ZYG11A: variants seen among roughly 807,000 people sequenced by gnomAD.
ZYG11A encodes zyg-11 family member A, cell cycle regulator, also known as protein zyg-11 homolog A.
Under a neutral mutation model 77.2 loss-of-function variants are expected in ZYG11A, and 62 were observed. The ratio of observed to expected loss-of-function variants is 0.80; its 90% CI spans 0.65 to 0.99. ZYG11A has a LOEUF of 0.99. Among genes scored for constraint, ZYG11A ranks in the 50% least tolerant of loss-of-function variants. ZYG11A has a pLI of 0.00. For synonymous variants in ZYG11A, 315 were observed against 324.6 expected, an observed-to-expected ratio of 0.97 and a Z score of 0.32; for missense variants, 828 against 896.8, an observed-to-expected ratio of 0.92 and a Z score of 0.98.
Position 52,867,958 on chromosome 1 carries a change from C to CTTTTTTTT in ZYG11A, c.1542+200_1542+207dup, listed in dbSNP as rs1050261180. Among the ~76,000 whole-genome samples the CTTTTTTTT allele has an allele frequency of 1.5e-4, 15 of 98,160 alleles. 2 individuals carry two copies. In the East Asian group the frequency reaches 1.6e-3, roughly 10 times the overall value. 64.4% of individuals were successfully genotyped at this position (98,160 alleles called of 152,430 possible). The stretch of plus-strand genomic sequence containing the variant: ...TCTTTTGGTATGTACCTCCACATTT[C>CTTTTTTTT]TTTTTTTTTTTTTTTTTTTTTTTTT... On this transcript the variant is annotated intron_variant, in intron 8 of 13. Coordinates refer to ENST00000371528, the MANE Select transcript of ZYG11A (RefSeq NM_001004339.3).
intron 3 of ZYG11A, among the ~76,000 whole-genome samples, chr1:52,860,189 T>C (rs1395577267): frequency 6.6e-6 from 1 of 152,090 alleles, no homozygotes; most frequent in East Asian, 1.9e-4. Context: ...TTGAGGAAAA[T>C]TGCCGTTTAA....
At chr1:52,860,484 G>C (rs1255616255) in intron 3 of ZYG11A, among the ~76,000 whole-genome samples, 2 of 152,190 alleles carry the variant, frequency 1.3e-5, no homozygotes, top group Non-Finnish European at 2.9e-5. Flanking sequence ...TTTTAGTAGA[G>C]ATGGGGTTTC....
intron 11 of ZYG11A, among the ~76,000 whole-genome samples, chr1:52,881,985 C>T (rs183231862): frequency 2.6e-5 from 4 of 151,866 alleles, no homozygotes; most frequent in Admixed American, 2.0e-4. Context: ...GCCTCAACCT[C>T]GGAGGCTTAG....
chr1:52,882,642 A>T (rs2150019073), intron 11 of ZYG11A, among the ~76,000 whole-genome samples: 1 of 152,244 alleles, frequency 6.6e-6, no homozygotes, highest in Non-Finnish European at 1.5e-5. Context: ...TAATTGATCA[A>T]ATGGCTGGGT....
At position 52,888,943 on chromosome 1, in the gene ZYG11A, T is replaced by G. The variant is rs973202496; in HGVS notation, c.2104+1890T>G. On this transcript the variant is annotated intron_variant, in intron 13 of 13. Coordinates refer to ENST00000371528, the MANE Select transcript of ZYG11A (RefSeq NM_001004339.3). ...GTATGAATAGATAGATAGCAGATGA[T>G]TGGATCAGAATAGCCCTGAAACAGA... Among the ~76,000 whole-genome samples, 16 of 152,230 alleles carry G rather than the reference T, an allele frequency of 1.1e-4. No homozygotes were observed. The East Asian group carries it at 2.9e-3, about 28-fold the overall frequency.
intron 8 of ZYG11A, among the ~76,000 whole-genome samples, chr1:52,876,869 C>A (rs147925160): frequency 5.3e-5 from 8 of 152,244 alleles, no homozygotes; most frequent in Non-Finnish European, 1.0e-4. Context: ...AAGTGAAAAT[C>A]GTTTTGTCTT....
intron 13 of ZYG11A, among the ~76,000 whole-genome samples, chr1:52,890,000 A>G (rs1040217740): frequency 1.3e-5 from 2 of 149,982 alleles, no homozygotes; most frequent in Non-Finnish European, 3.0e-5. Context: ...GGCGTGAGCC[A>G]CGGCGCCTGG....
chr1:52,869,955 G>C (rs568487126), intron 8 of ZYG11A, among the ~76,000 whole-genome samples: 10,718 of 63,400 alleles, frequency 0.17, 826 homozygotes, highest in Non-Finnish European at 0.25. Flanking sequence ...CTGGCCGGGC[G>C]GGGGGCTGAC....
intron 8 of ZYG11A, among the ~76,000 whole-genome samples, chr1:52,875,127 G>C (rs1451999336): frequency 6.6e-6 from 1 of 152,152 alleles, no homozygotes; most frequent in Non-Finnish European, 1.5e-5. Flanking sequence ...GAATCCAAGA[G>C]GAATGTTTCA....
chr1:52,890,235 A>AAT (rs1490105308), intron 13 of ZYG11A, among the ~76,000 whole-genome samples: 7 of 148,186 alleles, frequency 4.7e-5, no homozygotes. Flanking sequence ...TTGGGAGAAA[A>AAT]ATATTTTCTT....
At chr1:52,878,973 A>AC (rs1413260884) in intron 10 of ZYG11A, among the ~76,000 whole-genome samples, 680 of 64,558 alleles carry the variant, frequency 0.011, 15 homozygotes, top group Middle Eastern at 0.078. Context: ...AAAAAAAAAA[A>AC]AACAAACCAA....
intron 5 of ZYG11A, among the ~76,000 whole-genome samples, chr1:52,864,802 G>A (rs894151370): frequency 6.7e-6 from 1 of 149,678 alleles, no homozygotes; most frequent in African/African-American, 2.5e-5. Context: ...TCGCCACCAT[G>A]CCTGGCTAAT....
chr1:52,857,122 C>T lies in ZYG11A; in HGVS notation c.381C>T (p.Leu127=), dbSNP rs1178766737. 1.3e-6 allele frequency: 2 copies of T among 1,551,848 alleles called. No homozygotes were observed. The highest frequency in any genetic ancestry group is 3.9e-5 in the Admixed American group (2 of 50,982). ...AFIKAFCRHK[L]IELNATAVHA... ...TAAAAGCCTTCTGCCGTCATAAGCT[C>T]ATTGAACTGAATGCTACTGCAGTGC... The change falls in exon 3 of 14, where the codon CTC becomes CTT. Residue 127 remains leucine (L), a synonymous_variant. Coordinates refer to ENST00000371528, the MANE Select transcript of ZYG11A (RefSeq NM_001004339.3).
intron 8 of ZYG11A, among the ~76,000 whole-genome samples, 178 bp downstream of exon 8, chr1:52,867,955 TTTC>T: frequency 7.2e-6 from 1 of 137,948 alleles, no homozygotes; most frequent in South Asian, 2.5e-4. Context: ...TACCTCCACA[TTTC>T]TTTTTTTTTT....
At chr1:52,871,500 CTT>C (rs779790381) in intron 8 of ZYG11A, among the ~76,000 whole-genome samples, 15 of 142,908 alleles carry the variant, frequency 1.0e-4, no homozygotes, top group Admixed American at 2.1e-4. Context: ...TAACTTTTAT[CTT>C]TTTTTTTTTT....
At position 52,890,102 on chromosome 1, in the gene ZYG11A, G is replaced by C. The variant is rs1646518122; in HGVS notation, c.2105-2680G>C. ...TTTAACCCCCACCACTCCTTTTCTG[G>C]ATTCAGGTTTTGATAGTGCATTACT... On this transcript the variant is annotated intron_variant, in intron 13 of 13. Coordinates refer to ENST00000371528, the MANE Select transcript of ZYG11A (RefSeq NM_001004339.3). Among the ~76,000 whole-genome samples the C allele has an allele frequency of 1.4e-5, 2 of 144,342 alleles. 1 individual carries two copies. Among genetic ancestry groups the C allele is most frequent in the African/African-American group, 5.2e-5 (2 of 38,330 alleles). The allele number at this position is 144,342 out of a possible 152,430, so 94.7% of individuals were successfully genotyped here.
intron 11 of ZYG11A, 132 bp downstream of exon 11, chr1:52,881,797 C>T (rs1646367184): frequency 1.5e-6 from 1 of 659,078 alleles, no homozygotes; most frequent in South Asian, 2.7e-5. Flanking sequence ...TAACCCATAT[C>T]TTTCCATCCA....
intron 1 of ZYG11A, among the ~76,000 whole-genome samples, chr1:52,847,701 C>T (rs566604603): frequency 4.8e-5 from 7 of 147,168 alleles, no homozygotes; most frequent in South Asian, 2.2e-4. Context: ...GACGGAGTCT[C>T]GCTCTGTTTC....
chr1:52,869,918 C>A (rs562005720), intron 8 of ZYG11A, among the ~76,000 whole-genome samples: 2 of 73,244 alleles, frequency 2.7e-5, no homozygotes, highest in Non-Finnish European at 7.2e-5. Flanking sequence ...GCTGACCCCC[C>A]CCACACCTCC....
Sources: gnomAD v4.1 joint callset for allele counts (sites outside exome capture counted in the v4.1 genomes callset) on GRCh38, gnomAD v4.1.1 for gene constraint, MANE v1.5 for transcripts, NCBI Gene and HGNC (gene_info 2026-07-23, HGNC 2026-07-21) for gene names.